Variants in CORO2B observed in about 807,000 individuals in gnomAD.
CORO2B encodes coronin-2B.
In CORO2B, 26 loss-of-function variants were observed where a neutral mutation model predicts 58.8. That is an observed-to-expected ratio of 0.44 (90% CI 0.32 to 0.61). CORO2B has a LOEUF of 0.61. Among genes scored for constraint, CORO2B ranks in the 20% least tolerant of loss-of-function variants. The pLI is 0.04. For synonymous variants in CORO2B, 242 were observed against 253.8 expected, an observed-to-expected ratio of 0.95 and a Z score of 0.44; for missense variants, 460 against 645.1, an observed-to-expected ratio of 0.71 and a Z score of 3.11.
At chr15:68,590,388 T>A (rs17343452) in intron 1 of CORO2B, among the ~76,000 whole-genome samples, 1 of 151,852 alleles carries the variant, frequency 6.6e-6, no homozygotes, top group Non-Finnish European at 1.5e-5. Flanking sequence ...ACTTCTGTTC[T>A]CTCAGGTACC....
At chr15:68,674,539 ACAGCCATCACCCTCTTACTCACT>A (rs1902511045) in intron 2 of CORO2B, among the ~76,000 whole-genome samples, 1 of 152,196 alleles carries the variant, frequency 6.6e-6, no homozygotes, top group East Asian at 1.9e-4. Context: ...GTGGCCTGGC[ACAGCCATCACCCTCTTACTCACT>A]GGGTGACCTC....
At chr15:68,543,403 C>T in the CORO2B span, among the ~76,000 whole-genome samples, 1 of 152,172 alleles carries the variant, frequency 6.6e-6, no homozygotes, top group Non-Finnish European at 1.5e-5. Flanking sequence ...CAGCATCATT[C>T]TCAGCCTGGG....
At chr15:68,531,219 G>A in the CORO2B span, among the ~76,000 whole-genome samples, 2 of 152,062 alleles carry the variant, frequency 1.3e-5, no homozygotes, top group African/African-American at 2.4e-5. Context: ...GCTGGCTCAC[G>A]CCTATAATCC....
intron 2 of CORO2B, among the ~76,000 whole-genome samples, chr15:68,647,800 G>C (rs1464069253): frequency 1.3e-5 from 2 of 151,060 alleles, no homozygotes; most frequent in African/African-American, 4.9e-5. Flanking sequence ...TTAACCCCAG[G>C]AGTTTGAGAC....
At chr15:68,619,192 C>CATT (rs1666189910) in intron 1 of CORO2B, among the ~76,000 whole-genome samples, 1 of 152,096 alleles carries the variant, frequency 6.6e-6, no homozygotes, top group South Asian at 2.1e-4. Flanking sequence ...GCCCAGAGCC[C>CATT]CAATCTGTGT....
intron 2 of CORO2B, among the ~76,000 whole-genome samples, chr15:68,660,790 C>T (rs548542865): frequency 6.6e-6 from 1 of 152,288 alleles, no homozygotes; most frequent in Non-Finnish European, 1.5e-5. Context: ...AACATCTGGA[C>T]ACCGTTTTCT....
the CORO2B span, among the ~76,000 whole-genome samples, chr15:68,547,559 G>GTC: frequency 6.6e-6 from 1 of 151,974 alleles, no homozygotes; most frequent in East Asian, 1.9e-4. Context: ...AGCCAGGATG[G>GTC]TCTCAATCTC....
At chr15:68,695,674 T>C (rs1413596840) in intron 3 of CORO2B, among the ~76,000 whole-genome samples, 8 of 152,152 alleles carry the variant, frequency 5.3e-5, no homozygotes, top group Non-Finnish European at 1.2e-4. Context: ...AAATGTACCA[T>C]CTGGTTTGTC....
At chr15:68,719,267 C>T (rs938167781) in intron 10 of CORO2B, 33 bp downstream of exon 10, 17 of 1,605,548 alleles carry the variant, frequency 1.1e-5, no homozygotes, top group African/African-American at 1.3e-5. Flanking sequence ...AGAGCACAGG[C>T]GGCTGCAGCC....
At chr15:68,541,859 T>C in the CORO2B span, among the ~76,000 whole-genome samples, 1 of 152,172 alleles carries the variant, frequency 6.6e-6, no homozygotes, top group Admixed American at 6.5e-5. Context: ...TCCGTCTGTG[T>C]GGCTCTCTTC....
At chr15:68,556,085 ACAGGCCCAGAGACAGGACGGGGAGCGGGC>A in the CORO2B span, among the ~76,000 whole-genome samples, 1 of 152,222 alleles carries the variant, frequency 6.6e-6, no homozygotes, top group African/African-American at 2.4e-5. Context: ...TGGGGTGAGG[ACAGGCCCAGAGACAGGACGGGGAGCGGGC>A]CAGGCAAAGA....
At chr15:68,690,883 G>C (rs1005661627) in intron 2 of CORO2B, among the ~76,000 whole-genome samples, 3 of 150,456 alleles carry the variant, frequency 2.0e-5, no homozygotes, top group African/African-American at 7.3e-5. Context: ...TCGAACTCCT[G>C]GGCTTAAACG....
At chr15:68,673,613 G>A (rs369091904) in intron 2 of CORO2B, among the ~76,000 whole-genome samples, 81 of 152,074 alleles carry the variant, frequency 5.3e-4, no homozygotes, top group African/African-American at 1.9e-3. Context: ...CAAGGCAGGC[G>A]AATCACTTAA....
chr15:68,565,371 A>T, the CORO2B span, among the ~76,000 whole-genome samples: 1 of 151,770 alleles, frequency 6.6e-6, no homozygotes, highest in African/African-American at 2.4e-5. Context: ...GTGCATATAG[A>T]TATATTCAAG....
At chr15:68,565,198 GTTT>G in the CORO2B span, among the ~76,000 whole-genome samples, 2 of 152,062 alleles carry the variant, frequency 1.3e-5, no homozygotes, top group African/African-American at 4.8e-5. Context: ...AAGCTGTAAT[GTTT>G]TTAATTGCTA....
chr15:68,623,087 C>G (rs908053438), intron 1 of CORO2B, among the ~76,000 whole-genome samples: 5 of 152,064 alleles, frequency 3.3e-5, no homozygotes, highest in Non-Finnish European at 7.4e-5. Flanking sequence ...ATCACTTGAA[C>G]CTGGGAGGCA....
At chr15:68,632,845 G>A (rs1006047551) in intron 1 of CORO2B, among the ~76,000 whole-genome samples, 22 of 152,220 alleles carry the variant, frequency 1.4e-4, no homozygotes, top group African/African-American at 4.3e-4. Flanking sequence ...GCCCGCCTTG[G>A]TCCCCCTAAG....
intron 1 of CORO2B, among the ~76,000 whole-genome samples, chr15:68,626,505 C>T (rs1261497406): frequency 6.6e-6 from 1 of 152,170 alleles, no homozygotes; most frequent in Non-Finnish European, 1.5e-5. Flanking sequence ...GTGTTCTCCC[C>T]TGGGCCCTTT....
chr15:68,654,440 A>G (rs574747827), intron 2 of CORO2B, among the ~76,000 whole-genome samples: 42 of 152,348 alleles, frequency 2.8e-4, no homozygotes, highest in African/African-American at 9.1e-4. Flanking sequence ...CTGGTTCACT[A>G]GGACTCTGTG....
Sources: allele counts gnomAD v4.1 joint callset (sites outside exome capture counted in the v4.1 genomes callset), GRCh38; gene constraint gnomAD v4.1.1; transcripts MANE v1.5; gene names NCBI Gene and HGNC (gene_info 2026-07-23, HGNC 2026-07-21).